The following CNTNAP2 variants were observed in gnomAD, a reference collection of about 807,000 sequenced individuals.
CNTNAP2 encodes contactin-associated protein-like 2.
Under a neutral mutation model 155.2 loss-of-function variants are expected in CNTNAP2, and 98 were observed. The observed-to-expected ratio is 0.63, with a 90% CI of 0.54 to 0.75. The LOEUF is 0.75. CNTNAP2 is among the 30% of genes least tolerant of loss of function. The pLI, the probability that CNTNAP2 is intolerant of heterozygous loss-of-function variation, is 0.00. For missense variants in CNTNAP2, 1,727 were observed against 1,688.1 expected (o/e 1.02, Z -0.40); for synonymous variants, 651 against 631.2 (o/e 1.03, Z -0.47).
At chr7:147,130,062 G>A (rs1801321877) in intron 7 of CNTNAP2, among the ~76,000 whole-genome samples, 1 of 151,912 alleles carries the variant, frequency 6.6e-6, no homozygotes, top group East Asian at 1.9e-4. Context: ...ATTTAACATG[G>A]AAAAAATAAG....
At chr7:147,543,744 C>G (rs557107754) in intron 11 of CNTNAP2, among the ~76,000 whole-genome samples, 1 of 152,228 alleles carries the variant, frequency 6.6e-6, no homozygotes, top group African/African-American at 2.4e-5. Flanking sequence ...TTGGGTATAT[C>G]CATCTCTCAT....
At chr7:146,802,540 G>A (rs532898012) in intron 2 of CNTNAP2, among the ~76,000 whole-genome samples, 10 of 152,054 alleles carry the variant, frequency 6.6e-5, no homozygotes, top group Admixed American at 1.3e-4. Context: ...CTGCTTTTAC[G>A]ATAGTGAGTG....
intron 8 of CNTNAP2, among the ~76,000 whole-genome samples, chr7:147,282,176 C>A (rs891657419): frequency 6.6e-6 from 1 of 151,858 alleles, no homozygotes; most frequent in African/African-American, 2.4e-5. Context: ...GGGCATGAAA[C>A]CTTAGTACAA....
intron 8 of CNTNAP2, among the ~76,000 whole-genome samples, chr7:147,245,765 A>AC (rs1804047820): frequency 6.9e-6 from 1 of 144,980 alleles, no homozygotes; most frequent in African/African-American, 2.7e-5. Context: ...CTGTCTCAAA[A>AC]AAAAAAAAAA....
chr7:147,300,759 G>C (rs577144620), intron 9 of CNTNAP2, among the ~76,000 whole-genome samples: 6 of 152,072 alleles, frequency 3.9e-5, no homozygotes, highest in Admixed American at 6.6e-5. Flanking sequence ...TGGAAGCCTC[G>C]TCTGCTTCCG....
At chr7:147,168,660 A>G (rs1460167190) in intron 8 of CNTNAP2, among the ~76,000 whole-genome samples, 1 of 152,120 alleles carries the variant, frequency 6.6e-6, no homozygotes, top group Non-Finnish European at 1.5e-5. Flanking sequence ...TACTTTTTCC[A>G]TTGCTATCAT....
At chr7:148,377,146 C>T (rs1205778846) in intron 21 of CNTNAP2, among the ~76,000 whole-genome samples, 1 of 67,224 alleles carries the variant, frequency 1.5e-5, no homozygotes, top group Non-Finnish European at 4.2e-5. Context: ...TCCAAGAGGC[C>T]CAGATGACCA....
intron 13 of CNTNAP2, among the ~76,000 whole-genome samples, chr7:147,803,171 C>T (rs1244681654): frequency 6.6e-6 from 1 of 152,098 alleles, no homozygotes; most frequent in Non-Finnish European, 1.5e-5. Context: ...TTTAAAAACA[C>T]CCTTTAGAAA....
chr7:146,889,218 T>C (rs1352700602), intron 3 of CNTNAP2, among the ~76,000 whole-genome samples: 1 of 152,156 alleles, frequency 6.6e-6, no homozygotes, highest in African/African-American at 2.4e-5. Flanking sequence ...GCTTTTTCTG[T>C]TTTTCAAAAA....
chr7:147,395,592 T>A lies in CNTNAP2; in HGVS notation c.1499-17T>A. Reference sequence around the variant, plus strand: ...ACTGTACACCAGATTTACATTCCCATTTCTTCTGTTTCACAGGTTTTCTGA... The same window carrying A: ...ACTGTACACCAGATTTACATTCCCAATTCTTCTGTTTCACAGGTTTTCTGA... On this transcript the variant is annotated splice_polypyrimidine_tract_variant and intron_variant, in intron 9 of 23. Transcript: ENST00000361727. 6.2e-7 allele frequency: 1 copy of A among 1,610,772 alleles called. No individual in the cohort carries two copies. Among genetic ancestry groups the A allele is most frequent in the Non-Finnish European group, 8.5e-7 (1 of 1,177,644 alleles).
chr7:147,314,223 T>C (rs571810418), intron 9 of CNTNAP2, among the ~76,000 whole-genome samples: 25 of 152,236 alleles, frequency 1.6e-4, no homozygotes, highest in African/African-American at 6.0e-4. Context: ...TTTGGGGAAA[T>C]TTGAAGTGTT....
intron 21 of CNTNAP2, among the ~76,000 whole-genome samples, chr7:148,308,339 G>C (rs1393350324): frequency 6.6e-6 from 1 of 151,804 alleles, no homozygotes; most frequent in Non-Finnish European, 1.5e-5. Flanking sequence ...AAAAAACAAA[G>C]AGTTTAAGAG....
At chr7:148,181,741 CTTTTTTTTTTTT>C (rs71527884) in intron 18 of CNTNAP2, among the ~76,000 whole-genome samples, 4 of 48,662 alleles carry the variant, frequency 8.2e-5, no homozygotes, top group Non-Finnish European at 1.0e-4. Context: ...AGTGTGTGCC[CTTTTTTTTTTTT>C]TTTTTTTTTT....
rs139913964 is a variant in CNTNAP2 at position 147,874,048 on chromosome 7, G to T, written c.2099-29517G>T. 1.5e-3 allele frequency among the ~76,000 whole-genome samples: 233 copies of T among 152,284 alleles called. 2 individuals carry two copies. The highest frequency in any genetic ancestry group is 5.5e-3 in the African/African-American group (228 of 41,548). Reference sequence around the variant, plus strand: ...GGCTCACACAGCCTTGGGCAGCTCTGCCTCTGTGGCTTTGCAGGGTATAGA... The same window carrying T: ...GGCTCACACAGCCTTGGGCAGCTCTTCCTCTGTGGCTTTGCAGGGTATAGA... On this transcript the variant is annotated intron_variant, in intron 13 of 23. Coordinates refer to ENST00000361727, the MANE Select transcript of CNTNAP2 (RefSeq NM_014141.6).
At chr7:146,966,536 A>G (rs994786464) in intron 3 of CNTNAP2, among the ~76,000 whole-genome samples, 3 of 152,164 alleles carry the variant, frequency 2.0e-5, no homozygotes, top group African/African-American at 7.2e-5. Flanking sequence ...GGGCTGCTCA[A>G]TCCACCAGAT....
chr7:146,712,277 C>CT (rs1308181687), intron 1 of CNTNAP2, among the ~76,000 whole-genome samples: 1 of 15,308 alleles, frequency 6.5e-5, no homozygotes, highest in Non-Finnish European at 3.2e-4. Flanking sequence ...CTTATGTATA[C>CT]ATATATGTAT....
At chr7:146,408,919 G>T (rs374949054) in intron 1 of CNTNAP2, among the ~76,000 whole-genome samples, 1 of 151,748 alleles carries the variant, frequency 6.6e-6, no homozygotes, top group Non-Finnish European at 1.5e-5. Context: ...AATCCACACC[G>T]AATTCACATG....
intron 13 of CNTNAP2, among the ~76,000 whole-genome samples, chr7:147,740,092 G>A (rs1240800315): frequency 6.6e-6 from 1 of 152,176 alleles, no homozygotes; most frequent in African/African-American, 2.4e-5. Context: ...AGAGGGGCTG[G>A]CTTCAGGTTT....
chr7:146,491,461 T>C (rs193243889), intron 1 of CNTNAP2, among the ~76,000 whole-genome samples: 1 of 152,214 alleles, frequency 6.6e-6, no homozygotes, highest in Admixed American at 6.5e-5. Context: ...TTTTTTCTTA[T>C]GGGGACTTTT....
Sources: allele counts gnomAD v4.1 joint callset (sites outside exome capture counted in the v4.1 genomes callset), GRCh38; gene constraint gnomAD v4.1.1; transcripts MANE v1.5; gene names NCBI Gene and HGNC (gene_info 2026-07-23, HGNC 2026-07-21).